Variants in MAGI1 observed in about 807,000 individuals in gnomAD.
The protein encoded by MAGI1 is membrane-associated guanylate kinase, WW and PDZ domain-containing protein 1.
In MAGI1, 58 loss-of-function variants were observed where a neutral mutation model predicts 139.9. That is an observed-to-expected ratio of 0.41 (90% confidence interval 0.34 to 0.52). MAGI1 has a LOEUF of 0.52. Ranked by LOEUF, MAGI1 falls within the 20% of genes least tolerant of loss-of-function variation. MAGI1 has a pLI of 0.12. For synonymous variants in MAGI1, 812 were observed against 737.9 expected, an observed-to-expected ratio of 1.10 and a Z score of -1.63; for missense variants, 1,874 against 1,901.6, an observed-to-expected ratio of 0.99 and a Z score of 0.27.
Position 65,737,029 on chromosome 3 carries a change from G to A in MAGI1, c.314-114941C>T, listed in dbSNP as rs572310656. On this transcript the variant is annotated intron_variant, in intron 1 of 22. Coordinates refer to ENST00000402939, the MANE Select transcript of MAGI1 (RefSeq NM_001033057.2). ...TTTTTTTTTTTTTTCTTTTTGAGACGGAGTCTCGCTCTGTCCCTAGGCTGG... is the reference window on the plus strand; with the variant it reads ...TTTTTTTTTTTTTTCTTTTTGAGACAGAGTCTCGCTCTGTCCCTAGGCTGG... Among the ~76,000 whole-genome samples, 235 of 150,852 alleles carry A rather than the reference G, an allele frequency of 1.6e-3. 1 individual carries two copies. In the Middle Eastern group the frequency reaches 0.024, roughly 16 times the overall value.
chr3:65,632,462 A>T (rs2107165877), intron 1 of MAGI1, among the ~76,000 whole-genome samples: 1 of 152,324 alleles, frequency 6.6e-6, no homozygotes, highest in South Asian at 2.1e-4. Flanking sequence ...GACTGCCATG[A>T]TCATATTTAT....
intron 1 of MAGI1, among the ~76,000 whole-genome samples, chr3:65,996,807 T>C (rs1449841501): frequency 6.6e-6 from 1 of 152,224 alleles, no homozygotes; most frequent in Non-Finnish European, 1.5e-5. Context: ...TCTAGGTTAG[T>C]TCTGATGAAA....
intron 2 of MAGI1, among the ~76,000 whole-genome samples, chr3:65,518,765 C>G (rs920831947): frequency 9.7e-6 from 1 of 103,368 alleles, no homozygotes; most frequent in African/African-American, 2.8e-5. Context: ...ACGGTAGATG[C>G]AGCAAAAAAA....
intron 1 of MAGI1, among the ~76,000 whole-genome samples, chr3:65,784,670 A>G (rs2039233151): frequency 6.6e-6 from 1 of 152,022 alleles, no homozygotes; most frequent in Non-Finnish European, 1.5e-5. Context: ...GCGCCACTGC[A>G]CTCCAGCCTG....
intron 1 of MAGI1, among the ~76,000 whole-genome samples, chr3:65,863,269 A>G (rs17073988): frequency 0.18 from 27,441 of 152,002 alleles, 3,209 homozygotes; most frequent in East Asian, 0.34. Flanking sequence ...GACTATGCTC[A>G]CTCCTTTACT....
intron 1 of MAGI1, among the ~76,000 whole-genome samples, chr3:65,850,143 T>C (rs776035533): frequency 6.6e-6 from 1 of 152,112 alleles, no homozygotes; most frequent in Non-Finnish European, 1.5e-5. Flanking sequence ...TCTTTATATA[T>C]ATAAAAAAAT....
At chr3:65,659,277 C>A (rs1050584447) in intron 1 of MAGI1, among the ~76,000 whole-genome samples, 4 of 152,026 alleles carry the variant, frequency 2.6e-5, no homozygotes, top group African/African-American at 9.7e-5. Context: ...ATGGAAAATT[C>A]CAGGGAGTAA....
chr3:65,546,950 T>C (rs2079533810), intron 2 of MAGI1, among the ~76,000 whole-genome samples: 1 of 152,236 alleles, frequency 6.6e-6, no homozygotes, highest in African/African-American at 2.4e-5. Flanking sequence ...TATATATGTA[T>C]GCATTTGTGT....
chr3:65,658,014 G>A (rs1444066186), intron 1 of MAGI1, among the ~76,000 whole-genome samples: 10 of 152,174 alleles, frequency 6.6e-5, no homozygotes, highest in South Asian at 6.2e-4. Context: ...ATCACTAAGT[G>A]TGCACACAGA....
At chr3:65,549,437 G>A (rs901978155) in intron 2 of MAGI1, 7 of 985,006 alleles carry the variant, frequency 7.1e-6, no homozygotes, top group East Asian at 2.3e-4. Flanking sequence ...CCCGGAGTTC[G>A]CCTCGGTCAC....
At chr3:65,378,406 A>T (rs1054271878) in intron 17 of MAGI1, among the ~76,000 whole-genome samples, 1 of 152,208 alleles carries the variant, frequency 6.6e-6, no homozygotes, top group Non-Finnish European at 1.5e-5. Context: ...ATTAAAAAAA[A>T]TTCCTATGGG....
chr3:65,363,708 T>C, intron 20 of MAGI1, 100 bp from the exon 21 acceptor site: 1 of 905,410 alleles, frequency 1.1e-6, no homozygotes. Flanking sequence ...TATCCCCCTC[T>C]TGGTGACTCT....
intron 18 of MAGI1, among the ~76,000 whole-genome samples, chr3:65,371,348 A>G (rs575213102): frequency 6.6e-6 from 1 of 152,378 alleles, no homozygotes; most frequent in African/African-American, 2.4e-5. Flanking sequence ...TCATGTTCAC[A>G]CTATACTATA....
intron 18 of MAGI1, among the ~76,000 whole-genome samples, chr3:65,374,115 AG>A (rs1942268362): frequency 6.6e-6 from 1 of 152,104 alleles, no homozygotes; most frequent in South Asian, 2.1e-4. Flanking sequence ...TTCATAAACT[AG>A]ATTTTTTCTT....
chr3:65,758,686 A>G (rs1423484428), intron 1 of MAGI1, among the ~76,000 whole-genome samples: 1 of 152,162 alleles, frequency 6.6e-6, no homozygotes, highest in East Asian at 1.9e-4. Context: ...ATACTGCTAA[A>G]TACCCTACAA....
At chr3:65,377,590 G>C (rs566959264) in intron 17 of MAGI1, among the ~76,000 whole-genome samples, 1 of 152,216 alleles carries the variant, frequency 6.6e-6, no homozygotes, top group Non-Finnish European at 1.5e-5. Flanking sequence ...AGGATGCATG[G>C]AGACAGTCAA....
chr3:65,660,451 A>G (rs948415282), intron 1 of MAGI1, among the ~76,000 whole-genome samples: 1 of 152,248 alleles, frequency 6.6e-6, no homozygotes, highest in African/African-American at 2.4e-5. Context: ...ATCCTAGGAA[A>G]CTCAGACAAG....
At chr3:65,409,485 G>A (rs528191721) in intron 12 of MAGI1, among the ~76,000 whole-genome samples, 2 of 152,226 alleles carry the variant, frequency 1.3e-5, no homozygotes, top group South Asian at 4.2e-4. Context: ...TTGTTGTTTT[G>A]TTTTAGCTAA....
chr3:65,365,068 A>T (rs1162945571), intron 18 of MAGI1, 122 bp from the exon 19 acceptor site: 1 of 828,250 alleles, frequency 1.2e-6, no homozygotes, highest in African/African-American at 1.7e-5. Flanking sequence ...CATTTCAAGC[A>T]GTCTGACTTG....
Sources: allele counts gnomAD v4.1 joint callset (sites outside exome capture counted in the v4.1 genomes callset), GRCh38; gene constraint gnomAD v4.1.1; transcripts MANE v1.5; gene names NCBI Gene and HGNC (gene_info 2026-07-23, HGNC 2026-07-21).